NUCB2: variants seen among roughly 807,000 people sequenced by gnomAD.
NUCB2 encodes the protein nucleobindin 2, also known as nucleobindin-2.
In NUCB2, 48 loss-of-function variants were observed where a neutral mutation model predicts 57.9. The observed-to-expected ratio is 0.83, with a 90% CI of 0.66 to 1.05. NUCB2 has a LOEUF of 1.05. NUCB2 is among the 50% of genes least tolerant of loss of function. The probability of loss-of-function intolerance (pLI) is 0.00; values close to 1 mark genes in which losing one functional copy is unlikely to be tolerated. For synonymous variants in NUCB2, 139 were observed against 152.1 expected (o/e 0.91, Z 0.64); for missense variants, 442 against 476.2 (o/e 0.93, Z 0.67).
chr11:17,311,322 G>T lies in NUCB2; in HGVS notation c.760+39G>T, dbSNP rs760669439. On this transcript the variant is annotated intron_variant, in intron 8 of 13. Transcript: ENST00000529010. ...ACAAATATTAATATTTATATCTGCT[G>T]CTTGAAAAAGTATTTGCTTTCCTCT... 1.6e-5 allele frequency: 22 copies of T among 1,373,468 alleles called. No individual in the cohort carries two copies. The Middle Eastern group carries it at 5.6e-4, about 35-fold the overall frequency. 85.1% of individuals were successfully genotyped at this position (1,373,468 alleles called of 1,614,324 possible). A position where few individuals can be genotyped will look rare whatever the true frequency, so the allele number is the denominator to read the frequency against.
rs568058316 is a variant in NUCB2 at position 17,300,451 on chromosome 11, C to T, written c.253-1293C>T. 7.2e-5 allele frequency among the ~76,000 whole-genome samples: 11 copies of T among 152,316 alleles called. No individual in the cohort carries two copies. In the East Asian group the frequency reaches 2.1e-3, roughly 29 times the overall value. ...CTCCTAATTGCGCCCCTTTCCCCAA[C>T]CACAGCAAATCTACTTTTCATCTCT... is the stretch of plus-strand genomic sequence containing the variant. On this transcript the variant is annotated intron_variant, in intron 4 of 13. Transcript: ENST00000529010.
chr11:17,301,507 T>C (rs1274968329), intron 4 of NUCB2, among the ~76,000 whole-genome samples: 1 of 149,664 alleles, frequency 6.7e-6, no homozygotes, highest in African/African-American at 2.5e-5. Flanking sequence ...CTCGAGCTCC[T>C]GACCTCAGGT....
intron 2 of NUCB2, among the ~76,000 whole-genome samples, chr11:17,345,546 A>C (rs1410125773): frequency 6.6e-6 from 1 of 152,122 alleles, no homozygotes; most frequent in Non-Finnish European, 1.5e-5. Context: ...ATCTCTACTA[A>C]AAATACAAAA....
At chr11:17,314,524 T>C (rs566501328) in intron 10 of NUCB2, among the ~76,000 whole-genome samples, 1 of 152,286 alleles carries the variant, frequency 6.6e-6, no homozygotes, top group Admixed American at 6.5e-5. Flanking sequence ...CATTTGGACT[T>C]AATATTTCTT....
At chr11:17,288,905 A>ACACG (rs1944354964) in intron 2 of NUCB2, among the ~76,000 whole-genome samples, 2 of 69,856 alleles carry the variant, frequency 2.9e-5, no homozygotes, top group African/African-American at 1.8e-4. Context: ...ACACACACAC[A>ACACG]CACACACACA....
At chr11:17,287,922 C>T (rs919346778) in intron 2 of NUCB2, among the ~76,000 whole-genome samples, 1 of 152,044 alleles carries the variant, frequency 6.6e-6, no homozygotes, top group African/African-American at 2.4e-5. Context: ...CGCTTGAACC[C>T]AGGAGGTGGA....
Position 17,330,828 on chromosome 11 carries a change from T to A in NUCB2, c.1174-74T>A. 1 of 885,408 alleles carries A rather than the reference T, an allele frequency of 1.1e-6. No homozygotes were observed. The highest frequency in any genetic ancestry group is 1.9e-6 in the Non-Finnish European group (1 of 530,638). The allele number at this position is 885,408 out of a possible 1,614,324, so 54.8% of individuals were successfully genotyped here. A position where few individuals can be genotyped will look rare whatever the true frequency, so the allele number is the denominator to read the frequency against. On this transcript the variant is annotated intron_variant, in intron 12 of 13. Coordinates refer to ENST00000529010, the MANE Select transcript of NUCB2 (RefSeq NM_005013.4). The surrounding 1 kb of genome is among the most constrained non-coding windows in gnomAD (Gnocchi z 4.3). ...TAGAAAACAATTTTCATTTACTTTG[T>A]TGTGCTTTGTCAAAGGTCACACATA...
chr11:17,331,423 C>G lies in NUCB2; in HGVS notation c.*4C>G, dbSNP rs906744812. The G allele has an allele frequency of 9.0e-6, 13 of 1,437,828 alleles. No homozygotes were observed. The highest frequency in any genetic ancestry group is 2.6e-5 in the East Asian group (1 of 38,312). The allele number at this position is 1,437,828 out of a possible 1,614,324, so 89.1% of individuals were successfully genotyped here. ...CTTTTTTCCAACAGACATTTAAAGT[C>G]TGAAGTCCACCAGAACTTGGAAGAA... On this transcript the variant is annotated 3_prime_UTR_variant, in exon 14 of 14. Transcript: ENST00000529010.
At position 17,330,937 on chromosome 11, in the gene NUCB2, A is replaced by C. The variant is rs1353496487; in HGVS notation, c.1209A>C (p.Gln403His). ...IQQMEQKKLQ[Q>H]GIPPSGPAGE... ...AGATGGAACAAAAAAAATTACAACA[A>C]GGAATTCCTCCATCAGGGCCAGCTG... Residue 403 changes from glutamine (Q) to histidine (H), a missense_variant, in exon 13 of 14, where the codon CAA (glutamine) becomes CAC (histidine). By Grantham distance (24) the Gln-to-His change is conservative. Transcript: ENST00000529010. The surrounding 1 kb of genome is among the most constrained non-coding windows in gnomAD (Gnocchi z 4.3). The C allele has an allele frequency of 6.2e-7, 1 of 1,611,092 alleles. No homozygotes were observed. The highest frequency in any genetic ancestry group is 1.1e-5 in the South Asian group (1 of 90,740).
chr11:17,314,598 A>G (rs114419762), intron 10 of NUCB2, among the ~76,000 whole-genome samples: 8,623 of 152,182 alleles, frequency 0.057, 272 homozygotes, highest in Middle Eastern at 0.099. Flanking sequence ...CTGTGCTCAA[A>G]TGTCCATGGT....
At chr11:17,296,360 G>C (rs1392534737) in intron 4 of NUCB2, 149 bp downstream of exon 4, 1 of 425,262 alleles carries the variant, frequency 2.4e-6, no homozygotes, top group African/African-American at 2.0e-5. Context: ...TGGGACTACA[G>C]GTGCGTGCCA....
intron 2 of NUCB2, among the ~76,000 whole-genome samples, chr11:17,340,848 A>G (rs1239872983): frequency 2.6e-5 from 4 of 152,132 alleles, no homozygotes; most frequent in Admixed American, 2.6e-4. Flanking sequence ...GTTTTTTCCA[A>G]TTCTGTGAAG....
downstream of NUCB2, among the ~76,000 whole-genome samples, chr11:17,335,791 C>T (rs369796762): frequency 6.6e-6 from 1 of 152,230 alleles, no homozygotes; most frequent in East Asian, 1.9e-4. Context: ...TGAGCCACCG[C>T]GCCCAGCCTA....
chr11:17,287,128 ACCAG>A lies in NUCB2; in HGVS notation c.-1+4188_-1+4191del, dbSNP rs1257652481. On this transcript the variant is annotated intron_variant, in intron 2 of 13. Transcript: ENST00000529010. ...AGAGGTAGGATAAATAGAAAGCCCT[ACCAG>A]CCTGAGCAACATAATGAAACCACAA... Among the ~76,000 whole-genome samples the A allele has an allele frequency of 2.0e-5, 3 of 152,242 alleles. No individual in the cohort carries two copies. The East Asian group carries it at 5.8e-4, about 29-fold the overall frequency.
In NUCB2 at chr11:17,312,552, A is replaced by G. The variant is rs559848091; in HGVS notation, c.912+432A>G. On this transcript the variant is annotated intron_variant, in intron 10 of 13. Transcript: ENST00000529010. ...TGAGTAGCAGGGATTATAGGCACCC[A>G]CCACCACACCTAGCTAATTTTTTTA... is the stretch of plus-strand genomic sequence containing the variant. Among the ~76,000 whole-genome samples the G allele has an allele frequency of 6.6e-5, 10 of 151,918 alleles. No individual in the cohort carries two copies. The South Asian group carries it at 2.1e-3, about 32-fold the overall frequency.
chr11:17,348,216 G>A (rs543890506), intron 2 of NUCB2, among the ~76,000 whole-genome samples: 5 of 151,520 alleles, frequency 3.3e-5, no homozygotes, highest in Non-Finnish European at 5.9e-5. Flanking sequence ...CAAAGTGGGT[G>A]AGCCACCATG....
intron 11 of NUCB2, among the ~76,000 whole-genome samples, chr11:17,319,886 TC>T (rs1388819835): frequency 6.6e-6 from 1 of 152,144 alleles, no homozygotes; most frequent in Non-Finnish European, 1.5e-5. Flanking sequence ...CTTCTCCTCC[TC>T]CTGCCCTCTA....
Position 17,310,936 on chromosome 11 carries a change from A to T in NUCB2, c.595A>T (p.Lys199Ter). 6.3e-7 allele frequency: 1 copy of T among 1,592,930 alleles called. No homozygotes were observed. Among genetic ancestry groups the T allele is most frequent in the Non-Finnish European group, 8.5e-7 (1 of 1,173,250 alleles). Residue 199 changes from lysine (K) to a stop codon, truncating the protein, a stop_gained, in exon 7 of 14, where the codon AAG becomes TAG. Transcript: ENST00000529010. LOFTEE classifies it high-confidence loss of function. ...REYLKTLNEE[K>*]RKEEESKFEE... ...ATATTTAAAAACATTGAATGAAGAAAAGAGAAAAGAAGAAGAGTCTAAATT... is the reference window on the plus strand; with the variant it reads ...ATATTTAAAAACATTGAATGAAGAATAGAGAAAAGAAGAAGAGTCTAAATT...
chr11:17,281,058 A>G (rs1039333181), intron 1 of NUCB2, among the ~76,000 whole-genome samples: 6 of 152,012 alleles, frequency 3.9e-5, no homozygotes, highest in African/African-American at 1.4e-4. Context: ...AAAAACGAAA[A>G]CAAAAATTAC....
Sources: gnomAD v4.1 joint callset for allele counts (sites outside exome capture counted in the v4.1 genomes callset) on GRCh38, gnomAD v4.1.1 for gene constraint, Gnocchi (gnomAD v3.1) non-coding constraint, MANE v1.5 for transcripts, NCBI Gene and HGNC (gene_info 2026-07-23, HGNC 2026-07-21) for gene names.